Variants in IFT80 observed in about 807,000 individuals in gnomAD.
IFT80 encodes the protein intraflagellar transport protein 80 homolog.
A neutral mutation model predicts 107.9 loss-of-function variants in IFT80; 79 were observed. That is an observed-to-expected ratio of 0.73 (90% CI 0.61 to 0.88). The LOEUF (loss-of-function observed/expected upper bound fraction) is 0.88. Among genes scored for constraint, IFT80 ranks in the 40% least tolerant of loss-of-function variants. The probability of loss-of-function intolerance (pLI) is 0.00; values close to 1 mark genes in which losing one functional copy is unlikely to be tolerated. For synonymous variants in IFT80, 299 were observed against 300.9 expected (o/e 0.99, Z 0.07); for missense variants, 797 against 914.2 (o/e 0.87, Z 1.65).
At chr3:160,295,933 G>A (rs916587754) in intron 12 of IFT80, among the ~76,000 whole-genome samples, 4 of 152,122 alleles carry the variant, frequency 2.6e-5, no homozygotes, top group Non-Finnish European at 5.9e-5. Flanking sequence ...CCTATATGAG[G>A]TATACTAAAA....
At chr3:160,363,171 C>T (rs1423808556) in intron 6 of IFT80, among the ~76,000 whole-genome samples, 1 of 152,166 alleles carries the variant, frequency 6.6e-6, no homozygotes, top group Non-Finnish European at 1.5e-5. Context: ...TCAGCAAAGT[C>T]TCAGGATACA....
At chr3:160,345,205 T>C (rs551628808) in intron 8 of IFT80, among the ~76,000 whole-genome samples, 11 of 152,070 alleles carry the variant, frequency 7.2e-5, no homozygotes, top group Non-Finnish European at 1.3e-4. Context: ...AACAGACGAA[T>C]AGATAAAGAA....
At chr3:160,330,025 T>A (rs1224179050) in intron 8 of IFT80, among the ~76,000 whole-genome samples, 1 of 152,150 alleles carries the variant, frequency 6.6e-6, no homozygotes, top group Non-Finnish European at 1.5e-5. Flanking sequence ...ATTAGAAATG[T>A]AAATTCATGG....
intron 10 of IFT80, among the ~76,000 whole-genome samples, chr3:160,306,425 T>C (rs111516385): frequency 1.4e-3 from 209 of 152,302 alleles, no homozygotes; most frequent in Middle Eastern, 6.8e-3. Flanking sequence ...TGTTTTCCCC[T>C]GCCCCATGAA....
At chr3:160,343,867 G>T (rs1720096495) in intron 8 of IFT80, 3 of 247,698 alleles carry the variant, frequency 1.2e-5, no homozygotes, top group South Asian at 3.9e-5. Context: ...TAACAACTAG[G>T]GCAAGTACCT....
At chr3:160,293,495 G>A (rs1245213676) in intron 12 of IFT80, among the ~76,000 whole-genome samples, 1 of 152,118 alleles carries the variant, frequency 6.6e-6, no homozygotes, top group African/African-American at 2.4e-5. Flanking sequence ...CAAACATTAG[G>A]CATATTCATG....
At chr3:160,355,589 C>G (rs1420420664) in intron 8 of IFT80, among the ~76,000 whole-genome samples, 1 of 151,678 alleles carries the variant, frequency 6.6e-6, no homozygotes, top group Non-Finnish European at 1.5e-5. Context: ...TTCCAATGCA[C>G]TATTAATTTC....
At chr3:160,263,365 C>G (rs16831150) in intron 19 of IFT80, among the ~76,000 whole-genome samples, 1 of 152,182 alleles carries the variant, frequency 6.6e-6, no homozygotes, top group Non-Finnish European at 1.5e-5. Context: ...CTATCTTTCA[C>G]GTCTGATGTT....
At chr3:160,358,733 A>G (rs1721282312) in intron 6 of IFT80, among the ~76,000 whole-genome samples, 1 of 152,224 alleles carries the variant, frequency 6.6e-6, no homozygotes, top group South Asian at 2.1e-4. Flanking sequence ...TATGATTTAA[A>G]TTTTCCTTAC....
intron 18 of IFT80, among the ~76,000 whole-genome samples, chr3:160,271,808 C>T (rs1455627896): frequency 6.6e-6 from 1 of 151,968 alleles, no homozygotes; most frequent in Non-Finnish European, 1.5e-5. Context: ...TAGAATATCA[C>T]CATTTTGTAA....
At chr3:160,335,686 T>C (rs1254566116) in intron 8 of IFT80, among the ~76,000 whole-genome samples, 3 of 152,224 alleles carry the variant, frequency 2.0e-5, no homozygotes, top group Non-Finnish European at 4.4e-5. Context: ...TCACATATTA[T>C]ATAATTCATC....
At chr3:160,386,080 C>T (rs957429883) in intron 1 of IFT80, among the ~76,000 whole-genome samples, 1 of 152,142 alleles carries the variant, frequency 6.6e-6, no homozygotes, top group Non-Finnish European at 1.5e-5. Flanking sequence ...AAATCATAAT[C>T]CTCTATAAAT....
chr3:160,321,244 T>C (rs896921808), intron 8 of IFT80, among the ~76,000 whole-genome samples: 1 of 152,022 alleles, frequency 6.6e-6, no homozygotes, highest in South Asian at 2.1e-4. Flanking sequence ...TAACCTGCTT[T>C]GGGCGATAAA....
rs1721180917 is a variant in IFT80 at position 160,357,520 on chromosome 3, A to G, written c.608T>C (p.Ile203Thr). 1.9e-6 allele frequency: 3 copies of G among 1,593,304 alleles called. No homozygotes were observed. The highest frequency in any genetic ancestry group is 1.1e-5 in the South Asian group (1 of 90,396). The change falls in exon 7 of 20, where the codon ATT (isoleucine) becomes ACT (threonine). Residue 203 changes from isoleucine (I) to threonine (T), a missense_variant. Ile to Thr is a moderately conservative substitution (Grantham distance 89). Coordinates refer to ENST00000326448, the MANE Select transcript of IFT80 (RefSeq NM_020800.3). ...TTTACAGTCTTCACCAGCAGATAAA[A>G]TAAGATCATTGACCGAGTTCCAATC... ...KVDWNSVNDL[I>T]LSAGEDCKYK...
chr3:160,394,302 G>A (rs1713610308), intron 1 of IFT80: 1 of 152,080 alleles, frequency 6.6e-6, no homozygotes. Context: ...ATTAATGATG[G>A]CTGATGAGCT....
At chr3:160,265,046 A>G (rs1713193769) in intron 19 of IFT80, among the ~76,000 whole-genome samples, 1 of 152,148 alleles carries the variant, frequency 6.6e-6, no homozygotes, top group Non-Finnish European at 1.5e-5. Context: ...CACCACGTAC[A>G]TCTCCTTCAA....
At chr3:160,305,128 T>C (rs1482910479) in intron 10 of IFT80, among the ~76,000 whole-genome samples, 1 of 152,162 alleles carries the variant, frequency 6.6e-6, no homozygotes, top group Admixed American at 6.5e-5. Flanking sequence ...TAATAAAAAT[T>C]GTTCCACAGT....
At position 160,374,758 on chromosome 3, in the gene IFT80, G is replaced by A. The variant is rs1200364875; in HGVS notation, c.439+1054C>T. 2.0e-5 allele frequency among the ~76,000 whole-genome samples: 3 copies of A among 152,140 alleles called. No homozygotes were observed. In the East Asian group the frequency reaches 5.8e-4, roughly 29 times the overall value. ...TCCATCTGCCTACTAGGAGATTAAAGTAAGATTTATGTTCTAAAGGTACAT... is the reference window on the plus strand; with the variant it reads ...TCCATCTGCCTACTAGGAGATTAAAATAAGATTTATGTTCTAAAGGTACAT... On this transcript the variant is annotated intron_variant, in intron 5 of 19. Coordinates refer to ENST00000326448, the MANE Select transcript of IFT80 (RefSeq NM_020800.3).
chr3:160,383,043 C>G (rs1318483129), intron 2 of IFT80, among the ~76,000 whole-genome samples: 2 of 152,188 alleles, frequency 1.3e-5, no homozygotes, highest in Non-Finnish European at 2.9e-5. Flanking sequence ...ATGGGAGAAG[C>G]TTAGGTAAAA....
Sources: allele counts gnomAD v4.1 joint callset (sites outside exome capture counted in the v4.1 genomes callset), GRCh38; gene constraint gnomAD v4.1.1; transcripts MANE v1.5; gene names NCBI Gene and HGNC (gene_info 2026-07-23, HGNC 2026-07-21).